The following ARID4B variants were observed in gnomAD, a reference collection of about 807,000 sequenced individuals.
ARID4B encodes the protein AT-rich interaction domain 4B, also known as AT-rich interactive domain-containing protein 4B.
ARID4B carries 26 observed loss-of-function variants against 147.5 expected under a neutral mutation model. That is an observed-to-expected ratio of 0.18 (90% CI 0.13 to 0.24). ARID4B has a LOEUF of 0.24. ARID4B is among the 10% of genes least tolerant of loss of function. ARID4B has a pLI of 1.00. For synonymous variants in ARID4B, 512 were observed against 507.9 expected (o/e 1.01, Z -0.11); for missense variants, 1,179 against 1,511.5 (o/e 0.78, Z 3.65).
intron 8 of ARID4B, 21 bp from the exon 9 acceptor site, chr1:235,234,513 G>C (rs1668440335): frequency 2.6e-6 from 4 of 1,540,112 alleles, no homozygotes; most frequent in Non-Finnish European, 2.7e-6. Context: ...AAAGGGTGAA[G>C]CTATTATAAC....
At chr1:235,273,169 C>G (rs922348029) in intron 2 of ARID4B, among the ~76,000 whole-genome samples, 21 of 152,312 alleles carry the variant, frequency 1.4e-4, no homozygotes, top group African/African-American at 4.8e-4. Context: ...TTCCAAGTAG[C>G]TGGGACTACA....
At chr1:235,222,840 G>T (rs72756069) in intron 13 of ARID4B, among the ~76,000 whole-genome samples, 18 of 151,720 alleles carry the variant, frequency 1.2e-4, no homozygotes, top group Admixed American at 7.2e-4. Context: ...GCGTCACCAC[G>T]TCTGGCTGAT....
chr1:235,234,161 A>T (rs1489805275), intron 9 of ARID4B, among the ~76,000 whole-genome samples: 1 of 152,244 alleles, frequency 6.6e-6, no homozygotes, highest in Non-Finnish European at 1.5e-5. Context: ...TATGTGGACA[A>T]GTGTTGACAA....
chr1:235,185,732 A>G (rs115334915), intron 19 of ARID4B, among the ~76,000 whole-genome samples: 143 of 152,356 alleles, frequency 9.4e-4, no homozygotes, highest in Non-Finnish European at 1.6e-3. Context: ...ATTCTAGGTT[A>G]AAAATTGTTT....
intron 23 of ARID4B, among the ~76,000 whole-genome samples, chr1:235,171,378 A>G (rs1168667620): frequency 6.6e-6 from 1 of 152,076 alleles, no homozygotes; most frequent in Non-Finnish European, 1.5e-5. Flanking sequence ...GGTTGTAGTG[A>G]GCTGAGATCG....
intron 2 of ARID4B, among the ~76,000 whole-genome samples, chr1:235,303,792 A>G (rs989382421): frequency 9.2e-5 from 14 of 152,316 alleles, no homozygotes; most frequent in Middle Eastern, 6.8e-3. Context: ...ACTTCCAAAA[A>G]TTAGGTGCAC....
intron 19 of ARID4B, among the ~76,000 whole-genome samples, chr1:235,193,008 G>A (rs922383873): frequency 3.3e-5 from 5 of 152,010 alleles, no homozygotes; most frequent in Admixed American, 3.3e-4. Flanking sequence ...CAGGAGAACA[G>A]TGTGAACCCG....
intron 10 of ARID4B, among the ~76,000 whole-genome samples, chr1:235,229,673 G>T (rs753300060): frequency 3.4e-4 from 51 of 152,174 alleles, no homozygotes; most frequent in Non-Finnish European, 6.0e-4. Flanking sequence ...TTTAAACAAA[G>T]ATTAAGCTTC....
intron 15 of ARID4B, 82 bp from the exon 16 acceptor site, chr1:235,220,050 G>A (rs1667348945): frequency 3.3e-6 from 3 of 913,402 alleles, no homozygotes; most frequent in Non-Finnish European, 4.6e-6. Context: ...AGCAACAGGA[G>A]GTATCAACCA....
chr1:235,272,582 A>G (rs1055053078), intron 2 of ARID4B, among the ~76,000 whole-genome samples: 2 of 152,174 alleles, frequency 1.3e-5, no homozygotes, highest in African/African-American at 4.8e-5. Context: ...CTTTAGGTTC[A>G]TAACTTACTA....
At chr1:235,215,672 TC>T (rs1160804338) in intron 16 of ARID4B, among the ~76,000 whole-genome samples, 1 of 151,378 alleles carries the variant, frequency 6.6e-6, no homozygotes, top group African/African-American at 2.4e-5. Context: ...GGTCTTGACT[TC>T]CTGTGCTCAA....
At chr1:235,257,833 T>C (rs1335940530) in intron 3 of ARID4B, among the ~76,000 whole-genome samples, 2 of 152,122 alleles carry the variant, frequency 1.3e-5, no homozygotes, top group African/African-American at 4.8e-5. Context: ...AGTTGTAAAA[T>C]TGCTTTTCCT....
chr1:235,287,142 CCAGA>C (rs1237299735), intron 2 of ARID4B, among the ~76,000 whole-genome samples: 2 of 152,040 alleles, frequency 1.3e-5, no homozygotes, highest in Non-Finnish European at 2.9e-5. Context: ...GCCTGTAGTC[CCAGA>C]CACTCAGGAG....
chr1:235,306,617 G>A (rs1673586337), intron 2 of ARID4B, among the ~76,000 whole-genome samples: 1 of 152,036 alleles, frequency 6.6e-6, no homozygotes, highest in South Asian at 2.1e-4. Flanking sequence ...CATTCCAAAT[G>A]TGAATATATA....
At chr1:235,191,319 A>G (rs529250166) in intron 19 of ARID4B, among the ~76,000 whole-genome samples, 153 of 150,720 alleles carry the variant, frequency 1.0e-3, no homozygotes, top group African/African-American at 3.4e-3. Flanking sequence ...TGTGATCTTG[A>G]CTCACTGCAA....
intron 2 of ARID4B, among the ~76,000 whole-genome samples, chr1:235,309,819 T>C (rs1308298899): frequency 2.0e-5 from 3 of 152,228 alleles, no homozygotes; most frequent in Non-Finnish European, 4.4e-5. Context: ...TTTCCTTTTG[T>C]TCTGTACTAA....
intron 13 of ARID4B, among the ~76,000 whole-genome samples, chr1:235,222,462 C>T (rs1469471876): frequency 4.6e-5 from 7 of 152,120 alleles, no homozygotes; most frequent in African/African-American, 1.7e-4. Context: ...GTTCAACAAA[C>T]ATTTCCTGCT....
At chr1:235,321,192 C>T (rs1373877960) in intron 2 of ARID4B, among the ~76,000 whole-genome samples, 1 of 151,974 alleles carries the variant, frequency 6.6e-6, no homozygotes, top group African/African-American at 2.4e-5. Flanking sequence ...TTTTTAATTA[C>T]AATAAACAAA....
At chr1:235,216,243 A>G (rs543691673) in intron 16 of ARID4B, among the ~76,000 whole-genome samples, 16 of 152,248 alleles carry the variant, frequency 1.1e-4, no homozygotes, top group South Asian at 1.0e-3. Flanking sequence ...AGTCAAATAT[A>G]TAAGTATTTA....
Sources: allele counts gnomAD v4.1 joint callset (sites outside exome capture counted in the v4.1 genomes callset), GRCh38; gene constraint gnomAD v4.1.1; transcripts MANE v1.5; gene names NCBI Gene and HGNC (gene_info 2026-07-23, HGNC 2026-07-21).